MARCHF1: variants seen among roughly 807,000 people sequenced by gnomAD.
MARCHF1 encodes the protein membrane associated ring-CH-type finger 1, also known as E3 ubiquitin-protein ligase MARCHF1.
In MARCHF1, 40 loss-of-function variants were observed where a neutral mutation model predicts 54.2. The observed-to-expected ratio is 0.74, with a 90% CI of 0.57 to 0.96. The LOEUF (loss-of-function observed/expected upper bound fraction) is 0.96, where lower values mean the gene tolerates loss of function less well. Ranked by LOEUF, MARCHF1 falls within the 40% of genes least tolerant of loss-of-function variation. The pLI is 0.00. For missense variants in MARCHF1, 586 were observed against 656.5 expected, an observed-to-expected ratio of 0.89 and a Z score of 1.17; for synonymous variants, 236 against 236.3, an observed-to-expected ratio of 1.00 and a Z score of 0.01.
chr4:164,105,410 A>G (rs1227478570), intron 2 of MARCHF1, among the ~76,000 whole-genome samples: 3 of 150,934 alleles, frequency 2.0e-5, no homozygotes, highest in Non-Finnish European at 4.4e-5. Context: ...CTGGTACCAA[A>G]ACAGAGATAT....
At chr4:164,009,451 A>T (rs1321120771) in intron 2 of MARCHF1, among the ~76,000 whole-genome samples, 3 of 152,190 alleles carry the variant, frequency 2.0e-5, no homozygotes, top group Non-Finnish European at 4.4e-5. Flanking sequence ...TCACAAGGAC[A>T]ACATTACCCT....
intron 1 of MARCHF1, among the ~76,000 whole-genome samples, chr4:164,363,686 A>G (rs887185294): frequency 7.9e-5 from 12 of 152,274 alleles, no homozygotes; most frequent in Non-Finnish European, 1.3e-4. Context: ...CTTCTGAACC[A>G]GCAAATCTGC....
chr4:163,729,113 A>G (rs1392812877), intron 4 of MARCHF1, among the ~76,000 whole-genome samples: 1 of 152,176 alleles, frequency 6.6e-6, no homozygotes, highest in Non-Finnish European at 1.5e-5. Flanking sequence ...CAGACCTGAG[A>G]TAAATCCCAC....
In MARCHF1 at chr4:163,909,208, A is replaced by G. The variant is rs190644477; in HGVS notation, c.-38-55039T>C. On this transcript the variant is annotated intron_variant, in intron 3 of 9. Coordinates refer to ENST00000514618, the MANE Select transcript of MARCHF1 (RefSeq NM_001394959.1). ...TTAAATTTTTGAATAATGTAATTAA[A>G]TTGTGTTCACACAGTGGTTACCATG... Among the ~76,000 whole-genome samples the G allele has an allele frequency of 9.1e-4, 138 of 152,298 alleles. 1 individual carries two copies. Among genetic ancestry groups the G allele is most frequent in the Admixed American group, 8.8e-3 (135 of 15,288 alleles).
At chr4:163,949,247 C>G (rs570318714) in intron 3 of MARCHF1, among the ~76,000 whole-genome samples, 1 of 152,226 alleles carries the variant, frequency 6.6e-6, no homozygotes. Flanking sequence ...AGTGCCTGCA[C>G]AGGTGCCAGC....
At chr4:164,116,833 T>C (rs1181840207) in intron 1 of MARCHF1, among the ~76,000 whole-genome samples, 3 of 152,082 alleles carry the variant, frequency 2.0e-5, no homozygotes, top group South Asian at 2.1e-4. Flanking sequence ...TCTCTTAACA[T>C]TGATGCTAAC....
At chr4:163,598,769 G>A (rs1740853294) in intron 7 of MARCHF1, among the ~76,000 whole-genome samples, 2 of 152,120 alleles carry the variant, frequency 1.3e-5, no homozygotes, top group South Asian at 4.1e-4. Flanking sequence ...CACTACTTTA[G>A]ACTTTATAAA....
At chr4:163,641,024 T>A (rs890859430) in intron 5 of MARCHF1, among the ~76,000 whole-genome samples, 2 of 150,736 alleles carry the variant, frequency 1.3e-5, no homozygotes, top group African/African-American at 5.0e-5. Flanking sequence ...TCTGTTTTTT[T>A]ATGATTTTAA....
rs1370146545 is a variant in MARCHF1 at position 163,545,853 on chromosome 4, C to A, written c.1192-110G>T. The A allele has an allele frequency of 3.5e-6, 3 of 866,198 alleles. No individual in the cohort carries two copies. In the African/African-American group the frequency reaches 5.0e-5, roughly 15 times the overall value. The allele number at this position is 866,198 out of a possible 1,614,324, so 53.7% of individuals were successfully genotyped here. On this transcript the variant is annotated intron_variant, in intron 8 of 9. Transcript: ENST00000514618. ...ATGGAAGAAAAACAGTAAATATCTG[C>A]AATTTCAGATGACACTGTAATATTC...
chr4:164,022,006 T>C (rs1374984512), intron 2 of MARCHF1, among the ~76,000 whole-genome samples: 1 of 152,124 alleles, frequency 6.6e-6, no homozygotes, highest in African/African-American at 2.4e-5. Context: ...GACATTTTGG[T>C]AGAGTAAAAG....
intron 3 of MARCHF1, among the ~76,000 whole-genome samples, chr4:163,982,259 A>C (rs531107933): frequency 3.3e-5 from 5 of 152,340 alleles, no homozygotes; most frequent in African/African-American, 1.2e-4. Context: ...TTTTCTGAAG[A>C]AATGAAAAAG....
intron 1 of MARCHF1, among the ~76,000 whole-genome samples, chr4:164,250,322 T>C (rs1439068276): frequency 2.6e-5 from 4 of 152,078 alleles, no homozygotes; most frequent in Non-Finnish European, 4.4e-5. Flanking sequence ...ATATTCAAAT[T>C]AACTGTTACA....
At chr4:164,013,886 C>A (rs753720224) in intron 2 of MARCHF1, among the ~76,000 whole-genome samples, 1 of 152,052 alleles carries the variant, frequency 6.6e-6, no homozygotes, top group East Asian at 1.9e-4. Context: ...AAAGGGAGTC[C>A]GGGTGTGGTG....
intron 4 of MARCHF1, among the ~76,000 whole-genome samples, chr4:163,819,980 C>G (rs1748645584): frequency 6.6e-6 from 1 of 152,076 alleles, no homozygotes; most frequent in Admixed American, 6.6e-5. Flanking sequence ...TTTGTGCAAT[C>G]AACATATGAA....
chr4:163,682,552 A>G (rs181214667), intron 5 of MARCHF1, among the ~76,000 whole-genome samples: 333 of 152,254 alleles, frequency 2.2e-3, no homozygotes, highest in Non-Finnish European at 4.2e-3. Context: ...CCAGCTGCTT[A>G]AGCTTCAGGT....
At chr4:163,623,008 CAT>C (rs1284362908) in intron 5 of MARCHF1, among the ~76,000 whole-genome samples, 13 of 152,106 alleles carry the variant, frequency 8.5e-5, no homozygotes, top group Non-Finnish European at 1.6e-4. Context: ...CCTACTGAAA[CAT>C]ACAGTTGGAA....
chr4:164,188,534 A>G (rs1731037617), intron 1 of MARCHF1: 1 of 722,080 alleles, frequency 1.4e-6, no homozygotes, highest in Non-Finnish European at 2.6e-6. Flanking sequence ...CGTGGAGATC[A>G]CCGCCAACAA....
At chr4:164,274,725 G>A (rs1733832634) in intron 1 of MARCHF1, among the ~76,000 whole-genome samples, 1 of 127,804 alleles carries the variant, frequency 7.8e-6, no homozygotes, top group Admixed American at 9.7e-5. Flanking sequence ...CTCCCAGGCT[G>A]GAGTGCAGCG....
chr4:163,558,707 T>G lies in MARCHF1; in HGVS notation c.1192-12964A>C, dbSNP rs185532616. Among the ~76,000 whole-genome samples the G allele has an allele frequency of 6.6e-5, 10 of 152,300 alleles. No individual in the cohort carries two copies. In the East Asian group the frequency reaches 1.7e-3, roughly 26 times the overall value. On this transcript the variant is annotated intron_variant, in intron 8 of 9. Coordinates refer to ENST00000514618, the MANE Select transcript of MARCHF1 (RefSeq NM_001394959.1). ...AATGTGGGCTATGTTTAAGCAGATC[T>G]CTAAGGAGTAAGGTAAACAGGCTTT...
Sources: gnomAD v4.1 joint callset for allele counts (sites outside exome capture counted in the v4.1 genomes callset) on GRCh38, gnomAD v4.1.1 for gene constraint, MANE v1.5 for transcripts, NCBI Gene and HGNC (gene_info 2026-07-23, HGNC 2026-07-21) for gene names.